The following EYS variants were observed in gnomAD, a reference collection of about 807,000 sequenced individuals.
EYS encodes the protein EGF-like photoreceptor maintenance factor.
EYS carries 250 observed loss-of-function variants against 282.1 expected under a neutral mutation model. The observed-to-expected ratio is 0.89, with a 90% CI of 0.80 to 0.98. The LOEUF is 0.98. Among genes scored for constraint, EYS ranks in the 50% least tolerant of loss-of-function variants. The pLI is 0.00. For synonymous variants in EYS, 1,355 were observed against 1,282.9 expected (o/e 1.06, Z -1.20); for missense variants, 4,016 against 3,709.0 (o/e 1.08, Z -2.15).
intron 2 of EYS, among the ~76,000 whole-genome samples, chr6:65,534,448 G>A (rs1386808301): frequency 6.6e-6 from 1 of 151,980 alleles, no homozygotes; most frequent in Non-Finnish European, 1.5e-5. Flanking sequence ...CTATGAGCCG[G>A]AATATACAAA....
chr6:64,938,231 A>G (rs1768973774), intron 15 of EYS, among the ~76,000 whole-genome samples: 1 of 151,634 alleles, frequency 6.6e-6, no homozygotes, highest in Admixed American at 6.6e-5. Flanking sequence ...CGAATCTACT[A>G]AATCTATAGT....
intron 12 of EYS, among the ~76,000 whole-genome samples, chr6:65,091,158 G>C (rs553430631): frequency 6.6e-6 from 1 of 151,236 alleles, no homozygotes; most frequent in Non-Finnish European, 1.5e-5. Flanking sequence ...AAACTGCCAG[G>C]CACGGTGGCT....
intron 33 of EYS, among the ~76,000 whole-genome samples, chr6:64,022,999 T>C (rs963002744): frequency 5.9e-5 from 9 of 152,238 alleles, no homozygotes; most frequent in Non-Finnish European, 1.3e-4. Flanking sequence ...CATTATGCAA[T>C]AATTCCCCAT....
chr6:64,770,926 A>T (rs1773505929), intron 22 of EYS, among the ~76,000 whole-genome samples: 2 of 151,738 alleles, frequency 1.3e-5, no homozygotes, highest in Non-Finnish European at 3.0e-5. Flanking sequence ...TACTTTTTTG[A>T]TCAAGAGGGA....
intron 22 of EYS, among the ~76,000 whole-genome samples, chr6:64,653,138 G>C (rs919517272): frequency 1.3e-5 from 2 of 152,032 alleles, no homozygotes; most frequent in Admixed American, 6.6e-5. Flanking sequence ...GGAGAGAAAT[G>C]CACCAAGGGA....
chr6:63,876,835 A>G (rs1450621972), intron 35 of EYS, among the ~76,000 whole-genome samples: 1 of 151,934 alleles, frequency 6.6e-6, no homozygotes, highest in Non-Finnish European at 1.5e-5. Flanking sequence ...ATCTTCCTTC[A>G]TCCCATTATT....
intron 11 of EYS, among the ~76,000 whole-genome samples, chr6:65,327,701 T>A (rs1464329485): frequency 6.6e-6 from 1 of 151,530 alleles, no homozygotes. Context: ...ATAAAAAGTA[T>A]AAGAGACCAC....
At chr6:64,093,969 T>C (rs935195341) in intron 31 of EYS, among the ~76,000 whole-genome samples, 10 of 152,186 alleles carry the variant, frequency 6.6e-5, no homozygotes, top group Non-Finnish European at 1.5e-4. Context: ...CATGAAGCGT[T>C]GTTGAATTTT....
intron 8 of EYS, among the ~76,000 whole-genome samples, chr6:65,369,465 AAAAAGAT>A (rs1488054322): frequency 6.6e-6 from 1 of 150,968 alleles, no homozygotes; most frequent in Non-Finnish European, 1.5e-5. Flanking sequence ...CATGAACCAG[AAAAAGAT>A]TTCCCAATCT....
chr6:64,433,994 T>A (rs1159545047), intron 28 of EYS, among the ~76,000 whole-genome samples: 1 of 152,050 alleles, frequency 6.6e-6, no homozygotes, highest in African/African-American at 2.4e-5. Flanking sequence ...AAAATTCATA[T>A]GTTGATGCCC....
chr6:63,933,493 C>T (rs1764959391), intron 35 of EYS, among the ~76,000 whole-genome samples: 1 of 152,200 alleles, frequency 6.6e-6, no homozygotes, highest in Non-Finnish European at 1.5e-5. Flanking sequence ...AGGTATGAGC[C>T]ACCGCACCTG....
chr6:65,560,068 C>T (rs919333534), intron 2 of EYS, among the ~76,000 whole-genome samples: 1 of 149,794 alleles, frequency 6.7e-6, no homozygotes, highest in African/African-American at 2.4e-5. Flanking sequence ...TGATCATATC[C>T]TATATTATAT....
Position 64,590,638 on chromosome 6 carries a change from A to G in EYS, c.5229T>C (p.Ser1743=), listed in dbSNP as rs1378777319. The G allele has an allele frequency of 6.4e-7, 1 of 1,551,306 alleles. No homozygotes were observed. Among genetic ancestry groups the G allele is most frequent in the Admixed American group, 2.0e-5 (1 of 50,964 alleles). ...TTTGTAAGTTTAACTCAAAATCCAG[A>G]GAACTATCACTTGGGTGAAGTTTGA... ...TLFKLHPSDS[S]LDFELNLQIY... Residue 1743 remains serine (S), a synonymous_variant, in exon 26 of 43, where the codon TCT becomes TCC. Coordinates refer to ENST00000503581, the MANE Select transcript of EYS (RefSeq NM_001142800.2).
chr6:65,004,166 T>C (rs1771560367), intron 13 of EYS, among the ~76,000 whole-genome samples: 2 of 147,624 alleles, frequency 1.4e-5, no homozygotes, highest in African/African-American at 4.9e-5. Context: ...AGGGTGAATA[T>C]TTTTAAAAAT....
At chr6:64,137,232 G>GCTCTGGATT (rs149698133) in intron 31 of EYS, among the ~76,000 whole-genome samples, 2,940 of 152,190 alleles carry the variant, frequency 0.019, 81 homozygotes, top group African/African-American at 0.066. Flanking sequence ...GTTAGGCGTT[G>GCTCTGGATT]CTCTGGATTA....
intron 12 of EYS, among the ~76,000 whole-genome samples, chr6:65,246,413 T>C (rs1174299766): frequency 6.6e-6 from 1 of 152,134 alleles, no homozygotes; most frequent in Non-Finnish European, 1.5e-5. Flanking sequence ...ATTTGTAACA[T>C]TATTTAATTA....
chr6:64,145,272 GACAA>G (rs907127979), intron 31 of EYS, among the ~76,000 whole-genome samples: 1 of 152,150 alleles, frequency 6.6e-6, no homozygotes, highest in Non-Finnish European at 1.5e-5. Flanking sequence ...ACTGCAAACT[GACAA>G]ACATTCACTA....
intron 26 of EYS, among the ~76,000 whole-genome samples, chr6:64,489,494 A>T (rs940322284): frequency 6.7e-6 from 1 of 148,586 alleles, no homozygotes; most frequent in African/African-American, 2.4e-5. Flanking sequence ...TATTGGAAAT[A>T]TAAAAATTTA....
chr6:64,742,990 T>C (rs530530534), intron 22 of EYS, among the ~76,000 whole-genome samples: 1 of 152,248 alleles, frequency 6.6e-6, no homozygotes, highest in South Asian at 2.1e-4. Flanking sequence ...TTAAAGGATT[T>C]AGTCTCTTTC....
Sources: gnomAD v4.1 joint callset for allele counts (sites outside exome capture counted in the v4.1 genomes callset) on GRCh38, gnomAD v4.1.1 for gene constraint, MANE v1.5 for transcripts, NCBI Gene and HGNC (gene_info 2026-07-23, HGNC 2026-07-21) for gene names.